Variants in DNAH11 observed in about 807,000 individuals in gnomAD.
DNAH11 encodes dynein axonemal heavy chain 11.
DNAH11 carries 442 observed loss-of-function variants against 526.0 expected under a neutral mutation model. The observed-to-expected ratio is 0.84, with a 90% CI of 0.78 to 0.91. The LOEUF (loss-of-function observed/expected upper bound fraction) is 0.91, where lower values mean the gene tolerates loss of function less well. Ranked by LOEUF, DNAH11 falls within the 40% of genes least tolerant of loss-of-function variation. DNAH11 has a pLI of 0.00. For missense variants in DNAH11, 6,989 were observed against 5,448.7 expected, an observed-to-expected ratio of 1.28 and a Z score of -8.90; for synonymous variants, 2,461 against 1,935.9, an observed-to-expected ratio of 1.27 and a Z score of -7.12.
chr7:21,867,426 C>G (rs1422902441), intron 71 of DNAH11, among the ~76,000 whole-genome samples: 2 of 152,192 alleles, frequency 1.3e-5, no homozygotes, highest in Non-Finnish European at 2.9e-5. Context: ...GAAAATAATC[C>G]TTGCTTAATT....
intron 68 of DNAH11, among the ~76,000 whole-genome samples, chr7:21,858,336 C>A (rs939000304): frequency 6.6e-6 from 1 of 152,126 alleles, no homozygotes; most frequent in African/African-American, 2.4e-5. Flanking sequence ...GATAAATATA[C>A]AGTTAGAAAA....
intron 54 of DNAH11, among the ~76,000 whole-genome samples, chr7:21,754,209 T>C (rs1024664566): frequency 7.2e-5 from 11 of 152,238 alleles, no homozygotes; most frequent in Non-Finnish European, 1.5e-4. Context: ...ATGTGTCTAA[T>C]GTTTCACTGT....
In DNAH11 at chr7:21,635,955, G is replaced by A; in HGVS notation, c.4585G>A (p.Ala1529Thr). ...AAGCTGGCAAAATAAATTAAACATA[G>A]CAGACTTGGTCATCTTCACTTGGAT... ...VLSWQNKLNI[A>T]DLVIFTWMEV... Residue 1529 changes from alanine (A) to threonine (T), a missense_variant, in exon 26 of 82, where the codon GCA becomes ACA. Coordinates refer to ENST00000409508, the MANE Select transcript of DNAH11 (RefSeq NM_001277115.2). The A allele has an allele frequency of 6.2e-7, 1 of 1,613,488 alleles. No homozygotes were observed. Among genetic ancestry groups the A allele is most frequent in the Non-Finnish European group, 8.5e-7 (1 of 1,179,668 alleles).
At chr7:21,587,323 G>T (rs1043708778) in intron 9 of DNAH11, among the ~76,000 whole-genome samples, 6 of 152,108 alleles carry the variant, frequency 3.9e-5, no homozygotes, top group African/African-American at 1.4e-4. Flanking sequence ...TGCTTTGCTG[G>T]TCATGTGATC....
chr7:21,651,995 A>G (rs758437607), intron 28 of DNAH11, among the ~76,000 whole-genome samples: 3 of 152,260 alleles, frequency 2.0e-5, no homozygotes, highest in Non-Finnish European at 4.4e-5. Flanking sequence ...GACATTTTTC[A>G]TTAGTTAATG....
intron 79 of DNAH11, among the ~76,000 whole-genome samples, chr7:21,897,365 C>T (rs79951582): frequency 6.9e-6 from 1 of 144,410 alleles, no homozygotes; most frequent in Non-Finnish European, 1.5e-5. Context: ...ATAATAACAC[C>T]CTCAGTTGGA....
chr7:21,861,873 C>T lies in DNAH11; in HGVS notation c.11223C>T (p.His3741=). The change falls in exon 69 of 82, where the codon CAC becomes CAT. Residue 3741 remains histidine (H), a synonymous_variant. Transcript: ENST00000409508. Reference sequence around the variant, plus strand: ...CCCAGGCTTTTAACGTGCTGTTCCACAGAGCGATCGAGCAGGCTGACAAGG... The same window carrying T: ...CCCAGGCTTTTAACGTGCTGTTCCATAGAGCGATCGAGCAGGCTGACAAGG... The part of the protein sequence containing the change: ...FSLKAFNVLF[H]RAIEQADKVE... 1 of 1,613,078 alleles carries T rather than the reference C, an allele frequency of 6.2e-7. No homozygotes were observed. Among genetic ancestry groups the T allele is most frequent in the South Asian group, 1.1e-5 (1 of 90,836 alleles).
chr7:21,688,818 G>GC (rs35066203), intron 34 of DNAH11, among the ~76,000 whole-genome samples: 20,850 of 152,194 alleles, frequency 0.14, 2,146 homozygotes, highest in East Asian at 0.47. Context: ...ACGTTTGATG[G>GC]CTTAATTTGA....
intron 44 of DNAH11, among the ~76,000 whole-genome samples, chr7:21,722,516 T>A (rs1784918426): frequency 6.6e-6 from 1 of 152,186 alleles, no homozygotes; most frequent in Admixed American, 6.5e-5. Flanking sequence ...ATGGTTGATA[T>A]AATCTGTTGG....
chr7:21,728,170 T>A (rs1785214182), intron 45 of DNAH11, among the ~76,000 whole-genome samples: 1 of 150,680 alleles, frequency 6.6e-6, no homozygotes, highest in Admixed American at 6.6e-5. Context: ...ATGTGCCGCC[T>A]TGACCCCCAA....
intron 57 of DNAH11, among the ~76,000 whole-genome samples, chr7:21,782,489 C>G (rs558278226): frequency 9.8e-5 from 15 of 152,320 alleles, no homozygotes; most frequent in African/African-American, 3.6e-4. Flanking sequence ...CCTGAGAATC[C>G]TGTTCATTTG....
At chr7:21,855,267 G>A (rs992692491) in intron 68 of DNAH11, among the ~76,000 whole-genome samples, 1 of 151,988 alleles carries the variant, frequency 6.6e-6, no homozygotes, top group African/African-American at 2.4e-5. Flanking sequence ...TCCTGACCTC[G>A]TGATCTGCCC....
intron 30 of DNAH11, among the ~76,000 whole-genome samples, chr7:21,675,764 C>G (rs574078585): frequency 1.2e-4 from 19 of 152,242 alleles, no homozygotes; most frequent in Admixed American, 4.6e-4. Context: ...CAGAATGAGA[C>G]AGATGTGGGC....
At chr7:21,856,801 C>T (rs1417133706) in intron 68 of DNAH11, among the ~76,000 whole-genome samples, 1 of 151,278 alleles carries the variant, frequency 6.6e-6, no homozygotes, top group Non-Finnish European at 1.5e-5. Flanking sequence ...AAAAACCAAC[C>T]AACTCTCAAC....
At chr7:21,765,364 T>A (rs1220089920) in intron 54 of DNAH11, 64 bp from the exon 55 acceptor site, 11 of 1,606,026 alleles carry the variant, frequency 6.8e-6, no homozygotes, top group South Asian at 1.1e-5. Flanking sequence ...TGTCTAAGAT[T>A]GCAATGTAAT....
intron 63 of DNAH11, among the ~76,000 whole-genome samples, chr7:21,812,011 G>A (rs1789545172): frequency 6.6e-6 from 1 of 152,064 alleles, no homozygotes; most frequent in African/African-American, 2.4e-5. Flanking sequence ...CAGGGATGGG[G>A]GTGTTGTATA....
chr7:21,806,802 A>G (rs1312944417), intron 62 of DNAH11, among the ~76,000 whole-genome samples: 4 of 152,224 alleles, frequency 2.6e-5, no homozygotes, highest in African/African-American at 9.6e-5. Flanking sequence ...TTGCAGTTTT[A>G]TTCAAATCCA....
At chr7:21,790,311 G>A (rs941693377) in intron 61 of DNAH11, among the ~76,000 whole-genome samples, 4 of 151,954 alleles carry the variant, frequency 2.6e-5, no homozygotes, top group African/African-American at 4.8e-5. Context: ...TTAGCCGGGC[G>A]TCATGGCGGG....
At chr7:21,566,440 A>T (rs920652091) in intron 6 of DNAH11, among the ~76,000 whole-genome samples, 1 of 152,196 alleles carries the variant, frequency 6.6e-6, no homozygotes, top group African/African-American at 2.4e-5. Context: ...TGAAGCACTA[A>T]CCACCCTGCC....
Sources: gnomAD v4.1 joint callset for allele counts (sites outside exome capture counted in the v4.1 genomes callset) on GRCh38, gnomAD v4.1.1 for gene constraint, MANE v1.5 for transcripts, NCBI Gene and HGNC (gene_info 2026-07-23, HGNC 2026-07-21) for gene names.